PPP1R21: variants seen among roughly 807,000 people sequenced by gnomAD.
The protein encoded by PPP1R21 is KLRAQ motif containing 1.
A neutral mutation model predicts 112.8 loss-of-function variants in PPP1R21; 85 were observed. That is an observed-to-expected ratio of 0.75 (90% confidence interval 0.63 to 0.90). PPP1R21 has a LOEUF of 0.90. Ranked by LOEUF, PPP1R21 falls within the 40% of genes least tolerant of loss-of-function variation. The pLI is 0.00. For missense variants in PPP1R21, 1,199 were observed against 901.5 expected (o/e 1.33, Z -4.23); for synonymous variants, 381 against 322.3 (o/e 1.18, Z -1.95).
In PPP1R21 at chr2:48,454,812, T is replaced by G. The variant is rs1667647838; in HGVS notation, c.273+71T>G. 2.5e-6 allele frequency: 3 copies of G among 1,181,270 alleles called. No homozygotes were observed. In the East Asian group the frequency reaches 7.0e-5, roughly 28 times the overall value. The allele number at this position is 1,181,270 out of a possible 1,614,324, so 73.2% of individuals were successfully genotyped here. A position where few individuals can be genotyped will look rare whatever the true frequency, so the allele number is the denominator to read the frequency against. ...CTGACACCTACAGGGCATCCTGGTT[T>G]TAACAGAAGACCCCACTGCCGAATT... On this transcript the variant is annotated intron_variant, in intron 3 of 21. Coordinates refer to ENST00000294952, the MANE Select transcript of PPP1R21 (RefSeq NM_001135629.3).
intron 1 of PPP1R21, among the ~76,000 whole-genome samples, chr2:48,449,156 G>A (rs537474701): frequency 5.9e-5 from 9 of 151,976 alleles, no homozygotes; most frequent in African/African-American, 9.6e-5. Context: ...CAATCAAGGT[G>A]TACAATGCCT....
At position 48,460,184 on chromosome 2, in the gene PPP1R21, C is replaced by T; in HGVS notation, c.599+31C>T. ...TGGAAACTTGAATTCCAAGAGGGTT[C>T]TGAAGCAAGACTCAGAAGACATGGG... On this transcript the variant is annotated intron_variant, in intron 6 of 21. Transcript: ENST00000294952. The T allele has an allele frequency of 1.9e-6, 3 of 1,610,334 alleles. No individual in the cohort carries two copies. The Middle Eastern group carries it at 5.0e-4, about 266-fold the overall frequency.
intron 12 of PPP1R21, chr2:48,479,367 C>A: frequency 2.4e-6 from 1 of 408,444 alleles, no homozygotes; most frequent in Non-Finnish European, 5.0e-6. Flanking sequence ...AATACCGTAG[C>A]CTCTCACTGT....
At position 48,465,521 on chromosome 2, in the gene PPP1R21, C is replaced by G. The variant is rs1205154924; in HGVS notation, c.776C>G (p.Ala259Gly). 6.2e-7 allele frequency: 1 copy of G among 1,613,394 alleles called. No homozygotes were observed. Among genetic ancestry groups the G allele is most frequent in the Admixed American group, 1.7e-5 (1 of 59,886 alleles). ...AAGATGCGAGATATTGCTGGGCAGGCCCTGGCTTTTGTTCAGGATCTTGTG... is the reference window on the plus strand; with the variant it reads ...AAGATGCGAGATATTGCTGGGCAGGGCCTGGCTTTTGTTCAGGATCTTGTG... Reference protein sequence around the residue: ...QLKMRDIAGQALAFVQDLVTA... With the variant: ...QLKMRDIAGQGLAFVQDLVTA... Residue 259 changes from alanine (A) to glycine (G), a missense_variant, in exon 9 of 22, where the codon GCC becomes GGC. Coordinates refer to ENST00000294952, the MANE Select transcript of PPP1R21 (RefSeq NM_001135629.3).
rs557117634 is a variant in PPP1R21 at position 48,441,224 on chromosome 2, A to G, written c.57+214A>G. On this transcript the variant is annotated intron_variant, in intron 1 of 21. Coordinates refer to ENST00000294952, the MANE Select transcript of PPP1R21 (RefSeq NM_001135629.3). ...TGTCTGCGTCCGTGAGCGTTTTTGC[A>G]GGGAGAAGCTGGAGTTTGATTCTTC... 117 of 596,142 alleles carry G rather than the reference A, an allele frequency of 2.0e-4. 1 individual carries two copies. In the African/African-American group the frequency reaches 2.1e-3, roughly 11 times the overall value. 36.9% of individuals were successfully genotyped at this position (596,142 alleles called of 1,614,324 possible). A position where few individuals can be genotyped will look rare whatever the true frequency, so the allele number is the denominator to read the frequency against.
intron 14 of PPP1R21, among the ~76,000 whole-genome samples, chr2:48,488,534 TTTTG>T (rs1165141106): frequency 1.3e-5 from 2 of 152,078 alleles, no homozygotes; most frequent in Non-Finnish European, 2.9e-5. Context: ...GCCTGGCTAA[TTTTG>T]TTTTTGTATT....
intron 14 of PPP1R21, among the ~76,000 whole-genome samples, chr2:48,489,126 C>T (rs1375521157): frequency 4.6e-5 from 7 of 152,158 alleles, no homozygotes; most frequent in African/African-American, 1.7e-4. Context: ...AAGTAGAATA[C>T]TCTGTTTTAC....
In PPP1R21 at chr2:48,461,207, T is replaced by A. The variant is rs1667962162; in HGVS notation, c.669T>A (p.Asn223Lys). The change falls in exon 7 of 22, where the codon AAT (asparagine) becomes AAA (lysine). Residue 223 changes from asparagine to lysine, a missense_variant. Transcript: ENST00000294952. ...GRLEESLSII[N>K]EKVPFNDTKY... ...TAGAGGAATCCTTATCAATCATCAA[T>A]GAAAAAGTACCTTTTAATGATACAA... 4 of 1,580,466 alleles carry A rather than the reference T, an allele frequency of 2.5e-6. No homozygotes were observed. The highest frequency in any genetic ancestry group is 1.2e-5 in the South Asian group (1 of 83,738).
chr2:48,511,463 A>G lies in PPP1R21; in HGVS notation c.2308A>G (p.Ser770Gly). The change falls in exon 21 of 22, where the codon AGT becomes GGT. Residue 770 changes from serine (S) to glycine (G), a missense_variant. Physicochemically the swap from Ser to Gly is moderately conservative, Grantham distance 56 (BLOSUM62 0). Transcript: ENST00000294952. ...REEIDTLKMSSKGNSKKNKSR is the reference protein window; with the variant it reads ...REEIDTLKMSGKGNSKKNKSR ...AGAGATTGACACACTAAAGATGTCC[A>G]GTAAGGTATGTGAGGTGAGGTGAGG... 1 of 1,613,538 alleles carries G rather than the reference A, an allele frequency of 6.2e-7. No homozygotes were observed. Among genetic ancestry groups the G allele is most frequent in the Non-Finnish European group, 8.5e-7 (1 of 1,179,836 alleles).
chr2:48,483,310 T>G (rs752867554), intron 13 of PPP1R21, among the ~76,000 whole-genome samples: 2 of 147,362 alleles, frequency 1.4e-5, no homozygotes, highest in Non-Finnish European at 3.0e-5. Flanking sequence ...GCCTCCTGAG[T>G]AGCTGGGACT....
chr2:48,506,512 A>T (rs1242838818), intron 18 of PPP1R21, among the ~76,000 whole-genome samples: 1 of 152,234 alleles, frequency 6.6e-6, no homozygotes, highest in Non-Finnish European at 1.5e-5. Context: ...TTCTGTATTT[A>T]TTCTTGTAAT....
At chr2:48,443,540 T>C (rs1382128296) in intron 1 of PPP1R21, among the ~76,000 whole-genome samples, 1 of 152,204 alleles carries the variant, frequency 6.6e-6, no homozygotes, top group Non-Finnish European at 1.5e-5. Context: ...GTCGGGAGGA[T>C]GTGCCTGGAG....
intron 15 of PPP1R21, among the ~76,000 whole-genome samples, chr2:48,495,268 A>T (rs1319811712): frequency 6.6e-6 from 1 of 151,836 alleles, no homozygotes; most frequent in Non-Finnish European, 1.5e-5. Flanking sequence ...CAATGGCACA[A>T]TCTCTGCTCA....
chr2:48,495,558 C>G (rs970990770), intron 15 of PPP1R21, 121 bp from the exon 16 acceptor site: 6 of 614,134 alleles, frequency 9.8e-6, no homozygotes, highest in Non-Finnish European at 1.5e-5. Flanking sequence ...AGAAAATAGT[C>G]TGCTTTGACA....
chr2:48,515,319 C>G lies in PPP1R21; in HGVS notation c.*575C>G, dbSNP rs1670829017. On this transcript the variant is annotated 3_prime_UTR_variant, in exon 22 of 22. Transcript: ENST00000294952. The stretch of plus-strand genomic sequence containing the variant: ...GGGTTTAGTATCATTATCTTCAGCT[C>G]TTTGATACCCTGTGTTAGAGTAATA... The G allele has an allele frequency of 6.6e-6, 1 of 151,504 alleles. No homozygotes were observed. Among genetic ancestry groups the G allele is most frequent in the Admixed American group, 6.6e-5 (1 of 15,148 alleles). The allele number at this position is 151,504 out of a possible 1,614,324, so 9.4% of individuals were successfully genotyped here.
intron 9 of PPP1R21, among the ~76,000 whole-genome samples, chr2:48,467,151 T>G (rs571238991): frequency 5.6e-4 from 86 of 152,286 alleles, no homozygotes; most frequent in African/African-American, 1.9e-3. Flanking sequence ...GACACACTGC[T>G]TATCCAGTTG....
chr2:48,450,232 T>C (rs959641921), intron 1 of PPP1R21, among the ~76,000 whole-genome samples: 3 of 152,228 alleles, frequency 2.0e-5, no homozygotes, highest in Non-Finnish European at 2.9e-5. Context: ...ATTATGACTT[T>C]GGAGTCCAAA....
rs1010940347 is a variant in PPP1R21, at chr2:48,473,857, A to G, written c.1089-826A>G. ...TTCCCAAGTAACTATTTAAAATTAA[A>G]AATGGTAAAATGCATTTTATGAATG... On this transcript the variant is annotated intron_variant, in intron 11 of 21. Transcript: ENST00000294952. Among the ~76,000 whole-genome samples the G allele has an allele frequency of 4.6e-5, 7 of 152,344 alleles. No homozygotes were observed. In the East Asian group the frequency reaches 9.6e-4, roughly 21 times the overall value.
At chr2:48,456,924 T>C (rs1667753466) in intron 3 of PPP1R21, among the ~76,000 whole-genome samples, 1 of 151,998 alleles carries the variant, frequency 6.6e-6, no homozygotes, top group South Asian at 2.1e-4. Context: ...TGGTGGTATG[T>C]GCCTGTAATC....
Sources: gnomAD v4.1 joint callset for allele counts (sites outside exome capture counted in the v4.1 genomes callset) on GRCh38, gnomAD v4.1.1 for gene constraint, MANE v1.5 for transcripts, NCBI Gene and HGNC (gene_info 2026-07-23, HGNC 2026-07-21) for gene names.